Variants in LRPPRC observed in about 807,000 individuals in gnomAD.
The protein encoded by LRPPRC is leucine rich pentatricopeptide repeat containing.
Under a neutral mutation model 180.3 loss-of-function variants are expected in LRPPRC, and 120 were observed. The observed-to-expected ratio is 0.67, with a 90% CI of 0.57 to 0.77. LRPPRC has a LOEUF of 0.77. Among genes scored for constraint, LRPPRC ranks in the 30% least tolerant of loss-of-function variants. The pLI is 0.00. For synonymous variants in LRPPRC, 723 were observed against 600.0 expected (o/e 1.21, Z -3.00); for missense variants, 2,012 against 1,657.2 (o/e 1.21, Z -3.72).
chr2:43,973,809 A>C lies in LRPPRC; in HGVS notation c.1247T>G (p.Leu416Arg). 6.2e-7 allele frequency: 1 copy of C among 1,613,420 alleles called. No individual in the cohort carries two copies. Among genetic ancestry groups the C allele is most frequent in the East Asian group, 2.2e-5 (1 of 44,896 alleles). Residue 416 changes from leucine to arginine, a missense_variant, in exon 10 of 38, where the codon CTC (leucine) becomes CGC (arginine). Coordinates refer to ENST00000260665, the MANE Select transcript of LRPPRC (RefSeq NM_133259.4). The stretch of plus-strand genomic sequence containing the variant: ...GAATGTAGTACCAGTTTTATTGGCG[A>C]GTAAAGCACAATGGAGGGTGAACTG... ...PLQFTLHCAL[L>R]ANKTDLAKAL...
intron 5 of LRPPRC, 55 bp from the exon 6 acceptor site, chr2:43,976,284 C>A: frequency 1.1e-6 from 1 of 948,774 alleles, no homozygotes; most frequent in Non-Finnish European, 1.7e-6. Context: ...ACACTCTTTA[C>A]AACATGTACA....
intron 27 of LRPPRC, among the ~76,000 whole-genome samples, chr2:43,918,776 AAT>A (rs57965427): frequency 0.11 from 15,302 of 144,120 alleles, 938 homozygotes; most frequent in African/African-American, 0.14. Flanking sequence ...AGATCCTGGA[AAT>A]ATATATATAT....
intron 25 of LRPPRC, among the ~76,000 whole-genome samples, chr2:43,933,931 T>C (rs562352723): frequency 6.6e-6 from 1 of 152,146 alleles, no homozygotes; most frequent in African/African-American, 2.4e-5. Flanking sequence ...AGATTTAATA[T>C]GCAAATATCA....
At chr2:43,932,567 T>C (rs1432714057) in intron 25 of LRPPRC, among the ~76,000 whole-genome samples, 1 of 152,178 alleles carries the variant, frequency 6.6e-6, no homozygotes, top group Non-Finnish European at 1.5e-5. Flanking sequence ...GGCAGTCTTC[T>C]CTTGCCTATT....
chr2:43,945,260 A>T, intron 22 of LRPPRC, 72 bp downstream of exon 22: 1 of 996,068 alleles, frequency 1.0e-6, no homozygotes, highest in Non-Finnish European at 1.6e-6. Flanking sequence ...GATATCCATT[A>T]ATATCAATTC....
rs1674220064 is a variant in LRPPRC at position 43,979,748 on chromosome 2, T to C, written c.469+78A>G. 16 of 1,284,702 alleles carry C rather than the reference T, an allele frequency of 1.2e-5. No homozygotes were observed. The Admixed American group carries it at 2.8e-4, about 22-fold the overall frequency. The allele number at this position is 1,284,702 out of a possible 1,614,324, so 79.6% of individuals were successfully genotyped here. A position where few individuals can be genotyped will look rare whatever the true frequency, so the allele number is the denominator to read the frequency against. On this transcript the variant is annotated intron_variant, in intron 3 of 37. Coordinates refer to ENST00000260665, the MANE Select transcript of LRPPRC (RefSeq NM_133259.4). ...TTCCATAAAACTGAATTACAGCATT[T>C]ATGTAAACAAACACTTTTTTGCAAA...
chr2:43,977,909 T>C (rs981266910), intron 3 of LRPPRC, among the ~76,000 whole-genome samples: 1 of 152,176 alleles, frequency 6.6e-6, no homozygotes, highest in Admixed American at 6.5e-5. Flanking sequence ...CATGTCTCAC[T>C]ACATTTTCAT....
At chr2:43,929,242 A>G (rs1287975438) in intron 25 of LRPPRC, among the ~76,000 whole-genome samples, 2 of 152,188 alleles carry the variant, frequency 1.3e-5, no homozygotes, top group South Asian at 2.1e-4. Flanking sequence ...ATCACTAGTG[A>G]TACTGTGTAT....
Position 43,887,872 on chromosome 2 carries a change from CAA to C in LRPPRC, c.*726_*727del, listed in dbSNP as rs2104965865. On this transcript the variant is annotated 3_prime_UTR_variant, in exon 38 of 38. Transcript: ENST00000260665. Reference sequence around the variant, plus strand: ...AAGCCTAGGGCAGAGCTTGTACTGACAAAGTCCTGAAACTACAATGAGAGGAA... The same window carrying C: ...AAGCCTAGGGCAGAGCTTGTACTGACAGTCCTGAAACTACAATGAGAGGAA... The C allele has an allele frequency of 6.6e-6, 1 of 152,434 alleles. No homozygotes were observed. Among genetic ancestry groups the C allele is most frequent in the East Asian group, 1.9e-4 (1 of 5,196 alleles). 9.4% of individuals were successfully genotyped at this position (152,434 alleles called of 1,614,324 possible). A position where few individuals can be genotyped will look rare whatever the true frequency, so the allele number is the denominator to read the frequency against.
chr2:43,912,451 C>A lies in LRPPRC; in HGVS notation c.3256G>T (p.Ala1086Ser), dbSNP rs1325196155. 1 of 1,609,456 alleles carries A rather than the reference C, an allele frequency of 6.2e-7. No homozygotes were observed. Among genetic ancestry groups the A allele is most frequent in the Non-Finnish European group, 8.5e-7 (1 of 1,175,982 alleles). ...LLMSEDYFTQ[A>S]MEVKAFAETH... ...ACTTACAATGCTTTCACTTCCATTG[C>A]TTGTGTAAAATAATCTTCTGACATC... is the stretch of plus-strand genomic sequence containing the variant. Residue 1086 changes from alanine to serine, a missense_variant, in exon 30 of 38, where the codon GCA becomes TCA. Physicochemically the swap from Ala to Ser is moderately conservative, Grantham distance 99. Transcript: ENST00000260665.
chr2:43,895,243 C>G (rs191814406), intron 35 of LRPPRC, among the ~76,000 whole-genome samples: 157 of 152,316 alleles, frequency 1.0e-3, no homozygotes, highest in Non-Finnish European at 1.9e-3. Flanking sequence ...ATGCCCTCTT[C>G]CCATCTCACC....
intron 13 of LRPPRC, among the ~76,000 whole-genome samples, 153 bp from the exon 14 acceptor site, chr2:43,957,604 C>G (rs1198535175): frequency 2.6e-5 from 4 of 152,168 alleles, no homozygotes; most frequent in African/African-American, 9.7e-5. Flanking sequence ...CAAAATTAGA[C>G]AATGCAGTAA....
chr2:43,976,189 T>C lies in LRPPRC; in HGVS notation c.691A>G (p.Thr231Ala), dbSNP rs1674046599. The C allele has an allele frequency of 1.9e-6, 3 of 1,612,476 alleles. No homozygotes were observed. The highest frequency in any genetic ancestry group is 1.7e-5 in the Admixed American group (1 of 60,008). The change falls in exon 6 of 38, where the codon ACA (threonine) becomes GCA (alanine). Residue 231 changes from threonine (T) to alanine (A), a missense_variant. Transcript: ENST00000260665. ...GFMKTKDLPV[T>A]EAVFSALVTG... ...ACAAGGGCACTGAATACTGCCTCTG[T>C]AACTGGGAGATCCTTAGTTTTCATA...
At chr2:43,946,611 T>C (rs960294795) in intron 20 of LRPPRC, among the ~76,000 whole-genome samples, 3 of 152,084 alleles carry the variant, frequency 2.0e-5, no homozygotes, top group Admixed American at 1.3e-4. Flanking sequence ...CATTGAAAAG[T>C]TTCTCAGTCT....
chr2:43,900,235 G>A (rs1454230799), intron 32 of LRPPRC, among the ~76,000 whole-genome samples: 1 of 151,850 alleles, frequency 6.6e-6, no homozygotes, highest in Non-Finnish European at 1.5e-5. Context: ...TCAGTTACAT[G>A]GTCTTATTTA....
At chr2:43,994,905 C>T (rs1674954751) in intron 1 of LRPPRC, among the ~76,000 whole-genome samples, 1 of 152,188 alleles carries the variant, frequency 6.6e-6, no homozygotes, top group African/African-American at 2.4e-5. Context: ...CCTTTGCATC[C>T]CCAGATTCCA....
chr2:43,956,386 G>C (rs1414696465), intron 14 of LRPPRC, among the ~76,000 whole-genome samples: 1 of 152,074 alleles, frequency 6.6e-6, no homozygotes, highest in Non-Finnish European at 1.5e-5. Flanking sequence ...TGTGATTTTA[G>C]AGATGATGAC....
At chr2:43,924,313 A>G (rs1405867087) in intron 27 of LRPPRC, among the ~76,000 whole-genome samples, 1 of 152,216 alleles carries the variant, frequency 6.6e-6, no homozygotes, top group African/African-American at 2.4e-5. Flanking sequence ...AAATGTGTAC[A>G]CTAGTATAAA....
chr2:43,934,841 A>C lies in LRPPRC; in HGVS notation c.2542T>G (p.Cys848Gly). Reference sequence around the variant, plus strand: ...GGTAATACTTTATACTTTTCATAGCAGTCAATGGCGACCTCAAGAGCAGTA... The same window carrying C: ...GGTAATACTTTATACTTTTCATAGCCGTCAATGGCGACCTCAAGAGCAGTA... ...LSTALEVAID[C>G]YEKYKVLPRI... Residue 848 changes from cysteine (C) to glycine (G), a missense_variant, in exon 24 of 38, where the codon TGC becomes GGC. By Grantham distance (159) the Cys-to-Gly change is radical. Transcript: ENST00000260665. 1 of 1,612,856 alleles carries C rather than the reference A, an allele frequency of 6.2e-7. No individual in the cohort carries two copies. The highest frequency in any genetic ancestry group is 8.5e-7 in the Non-Finnish European group (1 of 1,178,912).
Sources: gnomAD v4.1 joint callset for allele counts (sites outside exome capture counted in the v4.1 genomes callset) on GRCh38, gnomAD v4.1.1 for gene constraint, MANE v1.5 for transcripts, NCBI Gene and HGNC (gene_info 2026-07-23, HGNC 2026-07-21) for gene names.